The following TDRD1 variants were observed in gnomAD, a reference collection of about 807,000 sequenced individuals.
The protein encoded by TDRD1 is tudor domain-containing protein 1.
Under a neutral mutation model 140.6 loss-of-function variants are expected in TDRD1, and 37 were observed. The ratio of observed to expected loss-of-function variants is 0.26; its 90% confidence interval spans 0.20 to 0.35. The LOEUF is 0.35. Ranked by LOEUF, TDRD1 falls within the 10% of genes least tolerant of loss-of-function variation. The pLI is 1.00. For synonymous variants in TDRD1, 506 were observed against 475.7 expected (o/e 1.06, Z -0.83); for missense variants, 1,243 against 1,393.0 (o/e 0.89, Z 1.71).
At chr10:114,195,403 C>A (rs931037356) in intron 3 of TDRD1, among the ~76,000 whole-genome samples, 2 of 152,102 alleles carry the variant, frequency 1.3e-5, no homozygotes, top group Non-Finnish European at 2.9e-5. Flanking sequence ...TATATCTAGT[C>A]ATGTCAATTG....
At chr10:114,183,337 ATTAAG>A (rs1315017091) in intron 1 of TDRD1, among the ~76,000 whole-genome samples, 5 of 152,208 alleles carry the variant, frequency 3.3e-5, no homozygotes, top group Non-Finnish European at 7.3e-5. Flanking sequence ...TTGATTTAGA[ATTAAG>A]TTACCACATT....
At chr10:114,227,985 A>G in intron 24 of TDRD1, 29 bp downstream of exon 24, 1 of 1,611,924 alleles carries the variant, frequency 6.2e-7, no homozygotes, top group Non-Finnish European at 8.5e-7. Context: ...AAGTGAAATT[A>G]TACTCCTAAC....
rs748947149 is a variant in TDRD1, at chr10:114,210,759, T to C, written c.1552+11T>C. ...AACTGCAAAGTGGCCGTAAGTCAGC[T>C]TTCTTGATTTGCTCTATGAAGCTAA... On this transcript the variant is annotated intron_variant, in intron 12 of 25. Transcript: ENST00000251864. 6 of 1,608,338 alleles carry C rather than the reference T, an allele frequency of 3.7e-6. No individual in the cohort carries two copies. The highest frequency in any genetic ancestry group is 4.3e-6 in the Non-Finnish European group (5 of 1,175,424).
At chr10:114,205,821 A>G (rs1004163193) in intron 10 of TDRD1, among the ~76,000 whole-genome samples, 1 of 152,196 alleles carries the variant, frequency 6.6e-6, no homozygotes, top group African/African-American at 2.4e-5. Flanking sequence ...CAATAGGGTG[A>G]CTGTAGTCAA....
Position 114,229,021 on chromosome 10 carries a change from T to G in TDRD1, c.3538+896T>G, listed in dbSNP as rs1200161000. Among the ~76,000 whole-genome samples the G allele has an allele frequency of 2.6e-5, 4 of 152,100 alleles. No homozygotes were observed. The East Asian group carries it at 7.7e-4, about 29-fold the overall frequency. ...TCGCTTGAATCCAGGAGGCGGCGGT[T>G]GCAGTGAGCCAAGACTGCTATTATA... is the stretch of plus-strand genomic sequence containing the variant. On this transcript the variant is annotated intron_variant, in intron 25 of 25. Coordinates refer to ENST00000251864, the Ensembl canonical transcript of TDRD1.
chr10:114,177,049 AG>A (rs775270084), upstream of TDRD1, among the ~76,000 whole-genome samples: 33 of 152,336 alleles, frequency 2.2e-4, 1 homozygote, highest in Admixed American at 2.0e-3. Context: ...AATCTGAGCA[AG>A]GAAATACAGT....
chr10:114,193,440 G>A (rs2034129997), intron 3 of TDRD1, among the ~76,000 whole-genome samples: 1 of 151,846 alleles, frequency 6.6e-6, no homozygotes, highest in African/African-American at 2.4e-5. Context: ...CTACAGTCAT[G>A]CACCCCCATA....
intron 25 of TDRD1, among the ~76,000 whole-genome samples, chr10:114,229,102 A>AAAAC (rs1491323575): frequency 0.063 from 21 of 332 alleles, no homozygotes; most frequent in Admixed American, 0.18. Context: ...AAAACAAAAC[A>AAAAC]AAAAAAAAAA....
intron 1 of TDRD1, among the ~76,000 whole-genome samples, chr10:114,181,335 G>C (rs1177556393): frequency 6.6e-6 from 1 of 152,100 alleles, no homozygotes. Context: ...TGTATATAGG[G>C]GGAATTATTT....
chr10:114,225,724 G>A (rs2036397444), intron 21 of TDRD1, among the ~76,000 whole-genome samples: 1 of 152,090 alleles, frequency 6.6e-6, no homozygotes, highest in South Asian at 2.1e-4. Flanking sequence ...GGGCATGGTG[G>A]TGTATACCTG....
At chr10:114,216,391 G>GT (rs1380311364) in intron 16 of TDRD1, among the ~76,000 whole-genome samples, 2 of 152,016 alleles carry the variant, frequency 1.3e-5, no homozygotes, top group African/African-American at 4.8e-5. Context: ...CAAACATTGT[G>GT]TTTTTTCTTT....
At chr10:114,197,125 C>T (rs961546704) in intron 3 of TDRD1, among the ~76,000 whole-genome samples, 3 of 152,018 alleles carry the variant, frequency 2.0e-5, no homozygotes, top group South Asian at 2.1e-4. Flanking sequence ...AGATTACAGG[C>T]GTGAGCCACT....
chr10:114,202,188 T>C, intron 5 of TDRD1, 50 bp from the exon 6 acceptor site: 2 of 1,445,722 alleles, frequency 1.4e-6, no homozygotes, highest in Non-Finnish European at 1.9e-6. Context: ...ATAGCCCCTA[T>C]GTTAATTGCC....
chr10:114,206,828 T>C (rs1001714611), intron 11 of TDRD1, among the ~76,000 whole-genome samples: 3 of 152,172 alleles, frequency 2.0e-5, no homozygotes, highest in Admixed American at 6.5e-5. Context: ...TTGGCCAGGC[T>C]GGTCTCAAAC....
chr10:114,197,830 G>T (rs1343514060), intron 3 of TDRD1, among the ~76,000 whole-genome samples: 1 of 151,904 alleles, frequency 6.6e-6, no homozygotes, highest in Non-Finnish European at 1.5e-5. Context: ...GCTAATTTTT[G>T]TATTTTCGTA....
chr10:114,210,804 C>G, intron 12 of TDRD1, 56 bp downstream of exon 12: 1 of 1,612,600 alleles, frequency 6.2e-7, no homozygotes, highest in African/African-American at 1.3e-5. Flanking sequence ...AGAGACTTGA[C>G]ATGTAGAAAT....
intron 21 of TDRD1, among the ~76,000 whole-genome samples, chr10:114,224,906 T>C (rs973898872): frequency 6.6e-5 from 10 of 152,206 alleles, no homozygotes; most frequent in African/African-American, 1.9e-4. Context: ...GTATTTAAGA[T>C]GGGGCACTGA....
At chr10:114,184,592 G>A (rs899644147) in intron 1 of TDRD1, among the ~76,000 whole-genome samples, 4 of 152,182 alleles carry the variant, frequency 2.6e-5, no homozygotes, top group Non-Finnish European at 5.9e-5. Context: ...CAGTAGTGTC[G>A]CTAACTGTAG....
intron 3 of TDRD1, among the ~76,000 whole-genome samples, chr10:114,192,321 T>TTTTTG (rs869187249): frequency 7.3e-6 from 1 of 137,836 alleles, no homozygotes; most frequent in African/African-American, 2.6e-5. Context: ...TTTTTTTTTT[T>TTTTTG]GAGACGGAGT....
Sources: allele counts gnomAD v4.1 joint callset (sites outside exome capture counted in the v4.1 genomes callset), GRCh38; gene constraint gnomAD v4.1.1; transcripts MANE v1.5; gene names NCBI Gene and HGNC (gene_info 2026-07-23, HGNC 2026-07-21).